The following HYDIN variants were observed in gnomAD, a reference collection of about 807,000 sequenced individuals.
HYDIN encodes HYDIN axonemal central pair apparatus protein.
HYDIN carries 132 observed loss-of-function variants against 403.9 expected under a neutral mutation model. The observed-to-expected ratio is 0.33, with a 90% CI of 0.28 to 0.38. HYDIN has a LOEUF of 0.38. HYDIN is among the 10% of genes least tolerant of loss of function. HYDIN has a pLI of 1.00. For missense variants in HYDIN, 2,827 were observed against 5,009.5 expected, an observed-to-expected ratio of 0.56 and a Z score of 13.15; for synonymous variants, 1,202 against 1,891.7, an observed-to-expected ratio of 0.64 and a Z score of 9.46.
At chr16:70,955,213 G>A (rs1291858335) in intron 40 of HYDIN, among the ~76,000 whole-genome samples, 162 bp downstream of exon 40, 11 of 151,756 alleles carry the variant, frequency 7.2e-5, no homozygotes, top group Admixed American at 6.6e-4. Flanking sequence ...GGAATGCTTC[G>A]TGAAGAGAAT....
chr16:70,971,848 G>A (rs2078742572), intron 35 of HYDIN, among the ~76,000 whole-genome samples: 1 of 151,292 alleles, frequency 6.6e-6, no homozygotes. Context: ...ATGTTATCAT[G>A]CCTAAGAATT....
chr16:70,900,982 C>T (rs768974871), intron 53 of HYDIN, 22 bp downstream of exon 53: 1 of 535,584 alleles, frequency 1.9e-6, no homozygotes, highest in Non-Finnish European at 3.3e-6. Context: ...ATAACCAAGT[C>T]TGTGGATGTG....
At chr16:70,979,793 G>A (rs2078991758) in intron 29 of HYDIN, among the ~76,000 whole-genome samples, 1 of 152,100 alleles carries the variant, frequency 6.6e-6, no homozygotes, top group African/African-American at 2.4e-5. Flanking sequence ...GCATGGTGGT[G>A]TGTGGCTGTA....
At chr16:71,067,010 A>C in intron 15 of HYDIN, 1 of 662,228 alleles carries the variant, frequency 1.5e-6, no homozygotes, top group Non-Finnish European at 2.7e-6. Flanking sequence ...ACATACTTTG[A>C]AAGTCAAACC....
intron 11 of HYDIN, among the ~76,000 whole-genome samples, chr16:71,092,946 TAAC>T (rs2083157476): frequency 6.9e-6 from 1 of 144,742 alleles, no homozygotes. Flanking sequence ...TGTATGATAT[TAAC>T]TACTACACGA....
intron 5 of HYDIN, among the ~76,000 whole-genome samples, chr16:71,175,017 G>A (rs778218755): frequency 1.3e-4 from 19 of 151,684 alleles, no homozygotes; most frequent in Non-Finnish European, 2.2e-4. Flanking sequence ...CATTCCTCTC[G>A]TGACTACCAC....
intron 23 of HYDIN, among the ~76,000 whole-genome samples, chr16:71,000,518 T>C (rs2079671187): frequency 3.3e-5 from 5 of 150,858 alleles, no homozygotes; most frequent in South Asian, 2.1e-4. Flanking sequence ...TGGAGATAGC[T>C]TCAAATAGAA....
At chr16:70,833,366 A>G (rs1416782512) in intron 79 of HYDIN, among the ~76,000 whole-genome samples, 3 of 137,630 alleles carry the variant, frequency 2.2e-5, no homozygotes, top group Non-Finnish European at 4.6e-5. Flanking sequence ...ACACACATAC[A>G]CATGTGTCGT....
At chr16:70,864,873 GATAGGTC>G in intron 67 of HYDIN, among the ~76,000 whole-genome samples, 1 of 152,258 alleles carries the variant, frequency 6.6e-6, no homozygotes, top group South Asian at 2.1e-4. Context: ...CGCAGCCACA[GATAGGTC>G]ATAAATGAAT....
intron 1 of HYDIN, among the ~76,000 whole-genome samples, chr16:71,203,567 C>T (rs2088134803): frequency 6.6e-6 from 1 of 152,160 alleles, no homozygotes; most frequent in African/African-American, 2.4e-5. Flanking sequence ...ACTAATTAAT[C>T]TGTGCCAAGC....
chr16:70,959,330 T>C (rs560680631), intron 39 of HYDIN: 1 of 190,428 alleles, frequency 5.3e-6, no homozygotes, highest in South Asian at 1.6e-4. Flanking sequence ...AGCTTTTCGT[T>C]TGAGTATTTA....
chr16:71,027,464 G>T, intron 20 of HYDIN, 138 bp downstream of exon 20: 9 of 1,532,616 alleles, frequency 5.9e-6, no homozygotes, highest in Non-Finnish European at 7.9e-6. Context: ...ATGCTACTAT[G>T]GTAACTCAGG....
intron 41 of HYDIN, among the ~76,000 whole-genome samples, chr16:70,949,805 A>G (rs2078004937): frequency 6.6e-6 from 1 of 152,266 alleles, no homozygotes; most frequent in South Asian, 2.1e-4. Flanking sequence ...TCTGTAGGTT[A>G]CCTTACTGAA....
intron 10 of HYDIN, among the ~76,000 whole-genome samples, chr16:71,096,598 C>T (rs555526204): frequency 2.7e-5 from 4 of 149,976 alleles, no homozygotes; most frequent in South Asian, 2.1e-4. Context: ...ACCTAACAAG[C>T]GGTTAAATTC....
In HYDIN at chr16:70,807,782, A is replaced by T; in HGVS notation, c.15164T>A (p.Ile5055Asn). The T allele has an allele frequency of 6.2e-7, 1 of 1,614,192 alleles. No individual in the cohort carries two copies. Among genetic ancestry groups the T allele is most frequent in the Non-Finnish European group, 8.5e-7 (1 of 1,180,020 alleles). The change falls in exon 86 of 86, where the codon ATC (isoleucine) becomes AAC (asparagine). Residue 5055 changes from isoleucine (I) to asparagine (N), a missense_variant. By Grantham distance (149) the Ile-to-Asn change is moderately radical. Transcript: ENST00000393567. ...VFYHMVTFSIIVDNPAFTIRA... is the reference protein window; with the variant it reads ...VFYHMVTFSINVDNPAFTIRA... ...AATGGTGAAGGCTGGGTTATCCACGATGATGGAGAAGGTCACCATGTGATA... is the reference window on the plus strand; with the variant it reads ...AATGGTGAAGGCTGGGTTATCCACGTTGATGGAGAAGGTCACCATGTGATA...
chr16:71,181,292 G>A (rs1185305586), intron 3 of HYDIN, among the ~76,000 whole-genome samples: 1 of 150,946 alleles, frequency 6.6e-6, no homozygotes, highest in South Asian at 2.1e-4. Flanking sequence ...AGATACATTC[G>A]AAGAACAAGA....
At chr16:70,823,872 G>A (rs1044164557) in intron 83 of HYDIN, among the ~76,000 whole-genome samples, 14 of 145,140 alleles carry the variant, frequency 9.6e-5, no homozygotes, top group Non-Finnish European at 1.8e-4. Flanking sequence ...GCTCCTTGGC[G>A]GCTGCTGTGC....
intron 1 of HYDIN, among the ~76,000 whole-genome samples, chr16:71,204,885 C>A (rs2088211246): frequency 6.6e-6 from 1 of 152,068 alleles, no homozygotes; most frequent in South Asian, 2.1e-4. Context: ...GTAATGGCAA[C>A]TAACAGTTGA....
intron 58 of HYDIN, among the ~76,000 whole-genome samples, chr16:70,886,808 G>A (rs1480002974): frequency 5.9e-5 from 9 of 152,124 alleles, no homozygotes; most frequent in Non-Finnish European, 1.2e-4. Flanking sequence ...CTCTCTTGAT[G>A]TGTTCAAGAT....
Sources: allele counts gnomAD v4.1 joint callset (sites outside exome capture counted in the v4.1 genomes callset), GRCh38; gene constraint gnomAD v4.1.1; transcripts MANE v1.5; gene names NCBI Gene and HGNC (gene_info 2026-07-23, HGNC 2026-07-21).